Variants in RRBP1 observed in about 807,000 individuals in gnomAD.
RRBP1 encodes the protein ribosome-binding protein 1.
RRBP1 carries 94 observed loss-of-function variants against 165.2 expected under a neutral mutation model. The ratio of observed to expected loss-of-function variants is 0.57; its 90% CI spans 0.48 to 0.68. The LOEUF is 0.68. Among genes scored for constraint, RRBP1 ranks in the 30% least tolerant of loss-of-function variants. The pLI is 0.00. For missense variants in RRBP1, 1,676 were observed against 1,763.0 expected, an observed-to-expected ratio of 0.95 and a Z score of 0.88; for synonymous variants, 680 against 714.5, an observed-to-expected ratio of 0.95 and a Z score of 0.77.
At chr20:17,622,990 C>T (rs1318986776) in intron 13 of RRBP1, 1 of 152,166 alleles carries the variant, frequency 6.6e-6, no homozygotes, top group Admixed American at 6.5e-5. Context: ...TCCTGGCTGG[C>T]CAAGTTATCC....
chr20:17,633,398 C>T, intron 8 of RRBP1, 62 bp downstream of exon 8: 1 of 1,564,470 alleles, frequency 6.4e-7, no homozygotes, highest in Non-Finnish European at 8.7e-7. Context: ...CCCATCCCCG[C>T]TATGCAGACA....
intron 2 of RRBP1, among the ~76,000 whole-genome samples, chr20:17,666,341 T>TA (rs77772144): frequency 0.061 from 8,645 of 142,456 alleles, 553 homozygotes; most frequent in African/African-American, 0.16. Flanking sequence ...CCCTGTCTCT[T>TA]AAAAAAAAAA....
intron 2 of RRBP1, among the ~76,000 whole-genome samples, chr20:17,679,315 G>A (rs1419286603): frequency 6.6e-6 from 1 of 152,202 alleles, no homozygotes; most frequent in Admixed American, 6.5e-5. Context: ...GGCGCTGTCC[G>A]CCTGGTATAA....
chr20:17,616,908 G>T lies in RRBP1; in HGVS notation c.3760-69C>A, dbSNP rs1056356239. The T allele has an allele frequency of 2.6e-5, 32 of 1,221,082 alleles. 1 individual carries two copies. The highest frequency in any genetic ancestry group is 3.8e-4 in the Middle Eastern group (2 of 5,318). 75.6% of individuals were successfully genotyped at this position (1,221,082 alleles called of 1,614,324 possible). ...ACACCCACCATGCTCACTCCTGCAG[G>T]GACCCCCTCGGAGGACCGTAGCTGC... On this transcript the variant is annotated intron_variant, in intron 20 of 24. Coordinates refer to ENST00000377813, the MANE Select transcript of RRBP1 (RefSeq NM_001365613.2).
At chr20:17,632,617 T>C (rs948731100) in intron 8 of RRBP1, among the ~76,000 whole-genome samples, 1 of 152,190 alleles carries the variant, frequency 6.6e-6, no homozygotes, top group Non-Finnish European at 1.5e-5. Flanking sequence ...CCCCACGCAC[T>C]ACAGCCTGGT....
chr20:17,619,782 G>A (rs538029282), intron 18 of RRBP1, 54 bp from the exon 19 acceptor site: 6 of 1,350,396 alleles, frequency 4.4e-6, no homozygotes, highest in East Asian at 5.0e-5. Context: ...CTGCTCAAAG[G>A]GCACTCACCT....
intron 1 of RRBP1, among the ~76,000 whole-genome samples, chr20:17,680,683 C>T (rs943089327): frequency 1.3e-5 from 2 of 152,102 alleles, no homozygotes; most frequent in Admixed American, 1.3e-4. Flanking sequence ...ATGGGACCTG[C>T]GAGTAGGCGG....
chr20:17,667,433 C>T (rs1480623191), intron 2 of RRBP1, among the ~76,000 whole-genome samples: 2 of 152,218 alleles, frequency 1.3e-5, no homozygotes, highest in Non-Finnish European at 2.9e-5. Context: ...AACTTTCTGA[C>T]ACGGCCATTT....
intron 7 of RRBP1, among the ~76,000 whole-genome samples, chr20:17,634,852 T>C (rs766677322): frequency 1.3e-5 from 2 of 152,108 alleles, no homozygotes; most frequent in Non-Finnish European, 2.9e-5. Flanking sequence ...GAGGGAGCCA[T>C]AGTCAAAACA....
chr20:17,627,585 C>T lies in RRBP1; in HGVS notation c.2847G>A (p.Glu949=), dbSNP rs761060079. The change falls in exon 10 of 25, where the codon GAG becomes GAA. Residue 949 remains glutamate, a synonymous_variant. Transcript: ENST00000377813. ...LHGQLQEARA[E]NSQLTERIRS... ...GGATTCTCTCTGTGAGCTGGGAGTTCTCCGCCCTGGCCTCCTGGAGCTGCC... is the reference window on the plus strand; with the variant it reads ...GGATTCTCTCTGTGAGCTGGGAGTTTTCCGCCCTGGCCTCCTGGAGCTGCC... 5.0e-6 allele frequency: 8 copies of T among 1,613,496 alleles called. No homozygotes were observed. The African/African-American group carries it at 1.1e-4, about 22-fold the overall frequency.
At chr20:17,650,132 G>A (rs1313158389) in intron 3 of RRBP1, among the ~76,000 whole-genome samples, 3 of 151,782 alleles carry the variant, frequency 2.0e-5, no homozygotes, top group Non-Finnish European at 4.4e-5. Context: ...ATTTGACTTA[G>A]AGACACATAA....
intron 8 of RRBP1, among the ~76,000 whole-genome samples, chr20:17,632,671 C>CCTT (rs397708844): frequency 6.6e-6 from 1 of 151,246 alleles, no homozygotes; most frequent in African/African-American, 2.4e-5. Context: ...CCTGGGGTCT[C>CCTT]ATTATCCAGA....
intron 2 of RRBP1, among the ~76,000 whole-genome samples, chr20:17,663,464 AG>A: frequency 1.3e-5 from 2 of 152,358 alleles, no homozygotes; most frequent in Middle Eastern, 6.8e-3. Context: ...CAACTTTTGC[AG>A]AAAAAGAAAT....
intron 5 of RRBP1, among the ~76,000 whole-genome samples, chr20:17,638,179 G>A (rs3828009): frequency 0.88 from 133,318 of 152,294 alleles, 58,460 homozygotes; most frequent in East Asian, 0.97. Context: ...TGGCCCCACC[G>A]GCCCACTGCT....
intron 5 of RRBP1, 62 bp downstream of exon 5, chr20:17,641,735 G>A (rs1235022970): frequency 6.9e-6 from 11 of 1,591,394 alleles, no homozygotes; most frequent in Admixed American, 1.7e-5. Context: ...CACCGTGGAT[G>A]GGGCGGGGGT....
At position 17,633,564 on chromosome 20, in the gene RRBP1, T is replaced by C. The variant is rs2036193655; in HGVS notation, c.2506A>G (p.Lys836Glu). Residue 836 changes from lysine to glutamate, a missense_variant, in exon 8 of 25, where the codon AAA (lysine) becomes GAA (glutamate). By Grantham distance (56) the Lys-to-Glu change is moderately conservative. Transcript: ENST00000377813. ...GCCTCTGACTTCTCCACCAGCTCTT[T>C]GCTGACCTTGCTGAGCTCCTGCCGA... ...KLRQELSKVS[K>E]ELVEKSEAVR... 2.5e-6 allele frequency: 4 copies of C among 1,614,062 alleles called. No individual in the cohort carries two copies. The highest frequency in any genetic ancestry group is 2.5e-6 in the Non-Finnish European group (3 of 1,180,030).
At chr20:17,628,613 G>A (rs1600735445) in intron 9 of RRBP1, among the ~76,000 whole-genome samples, 2 of 152,212 alleles carry the variant, frequency 1.3e-5, no homozygotes, top group African/African-American at 4.8e-5. Flanking sequence ...TCAGAGGGAG[G>A]GTGACCTGGC....
At position 17,658,685 on chromosome 20, in the gene RRBP1, C is replaced by A; in HGVS notation, c.1823G>T (p.Arg608Ile). The A allele has an allele frequency of 6.2e-7, 1 of 1,614,226 alleles. No individual in the cohort carries two copies. The highest frequency in any genetic ancestry group is 8.5e-7 in the Non-Finnish European group (1 of 1,180,042). The change falls in exon 3 of 25, where the codon AGA (arginine) becomes ATA (isoleucine). Residue 608 changes from arginine (R) to isoleucine (I), a missense_variant. Transcript: ENST00000377813. ...KKTESASVQGRNTDVAQSPEA... is the reference protein window; with the variant it reads ...KKTESASVQGINTDVAQSPEA... ...TGGGCTCTGGGCCACATCTGTATTT[C>A]TGCCCTGGACAGAAGCTGACTCTGT...
intron 2 of RRBP1, among the ~76,000 whole-genome samples, chr20:17,662,459 A>G (rs1377921735): frequency 6.6e-6 from 1 of 152,178 alleles, no homozygotes; most frequent in Non-Finnish European, 1.5e-5. Context: ...CTCGGCGTTG[A>G]GCGAGACTGA....
Sources: gnomAD v4.1 joint callset for allele counts (sites outside exome capture counted in the v4.1 genomes callset) on GRCh38, gnomAD v4.1.1 for gene constraint, MANE v1.5 for transcripts, NCBI Gene and HGNC (gene_info 2026-07-23, HGNC 2026-07-21) for gene names.